The following ADGRB3 variants were observed in gnomAD, a reference collection of about 807,000 sequenced individuals.
The protein encoded by ADGRB3 is adhesion G protein-coupled receptor B3, also known as brain-specific angiogenesis inhibitor 3.
Under a neutral mutation model 193.4 loss-of-function variants are expected in ADGRB3, and 37 were observed. The observed-to-expected ratio is 0.19, with a 90% CI of 0.15 to 0.25. The LOEUF is 0.25. Ranked by LOEUF, ADGRB3 falls within the 10% of genes least tolerant of loss-of-function variation. The probability of loss-of-function intolerance (pLI) is 1.00; values close to 1 mark genes in which losing one functional copy is unlikely to be tolerated. For synonymous variants in ADGRB3, 690 were observed against 644.2 expected, an observed-to-expected ratio of 1.07 and a Z score of -1.08; for missense variants, 1,637 against 1,852.9, an observed-to-expected ratio of 0.88 and a Z score of 2.14.
intron 3 of ADGRB3, among the ~76,000 whole-genome samples, chr6:68,773,883 G>C (rs910426499): frequency 7.9e-5 from 12 of 152,074 alleles, no homozygotes; most frequent in African/African-American, 1.9e-4. Context: ...AGGAGACTTA[G>C]ATGTAAGATA....
intron 20 of ADGRB3, among the ~76,000 whole-genome samples, chr6:69,241,001 C>T (rs1386397108): frequency 6.6e-6 from 1 of 151,784 alleles, no homozygotes; most frequent in Non-Finnish European, 1.5e-5. Flanking sequence ...CCATTTTTTA[C>T]TCTCCAAACA....
chr6:69,151,958 C>T (rs1395880918), intron 17 of ADGRB3, among the ~76,000 whole-genome samples: 2 of 152,104 alleles, frequency 1.3e-5, no homozygotes, highest in African/African-American at 2.4e-5. Context: ...GCTTTTTCCC[C>T]TTTTGCTTGG....
intron 20 of ADGRB3, among the ~76,000 whole-genome samples, chr6:69,266,831 A>T (rs939880905): frequency 1.1e-4 from 17 of 152,088 alleles, no homozygotes; most frequent in Non-Finnish European, 2.4e-4. Flanking sequence ...AGGTAAAGGA[A>T]GACAAAGATT....
intron 3 of ADGRB3, among the ~76,000 whole-genome samples, chr6:68,679,355 C>T (rs1764837117): frequency 6.6e-6 from 1 of 152,078 alleles, no homozygotes; most frequent in African/African-American, 2.4e-5. Flanking sequence ...GATCTGCACC[C>T]TTAAGGGACA....
intron 20 of ADGRB3, among the ~76,000 whole-genome samples, chr6:69,297,400 C>A (rs1302552070): frequency 3.5e-5 from 5 of 144,134 alleles, no homozygotes; most frequent in African/African-American, 1.3e-4. Context: ...CTATCTCTCT[C>A]TCTCTCTCTC....
intron 15 of ADGRB3, among the ~76,000 whole-genome samples, chr6:69,050,249 C>A (rs888391108): frequency 2.0e-5 from 3 of 152,052 alleles, no homozygotes; most frequent in Non-Finnish European, 4.4e-5. Context: ...CCCAAGGAAG[C>A]AGCAGTGATT....
chr6:69,176,007 T>G (rs1488819989), intron 17 of ADGRB3, among the ~76,000 whole-genome samples: 3 of 152,250 alleles, frequency 2.0e-5, no homozygotes, highest in Non-Finnish European at 4.4e-5. Flanking sequence ...GAAACTTTAC[T>G]GAAGTTGTTT....
chr6:68,933,922 A>C (rs982140957), intron 4 of ADGRB3, among the ~76,000 whole-genome samples: 1 of 152,138 alleles, frequency 6.6e-6, no homozygotes, highest in Non-Finnish European at 1.5e-5. Context: ...AGTTCATACT[A>C]TCTCCAAAGA....
chr6:68,786,226 C>A (rs1346002909), intron 3 of ADGRB3, among the ~76,000 whole-genome samples: 1 of 149,952 alleles, frequency 6.7e-6, no homozygotes, highest in Non-Finnish European at 1.5e-5. Context: ...GAAGTCCTTG[C>A]CCATGCCTAT....
At chr6:69,296,119 C>T (rs1004095742) in intron 20 of ADGRB3, among the ~76,000 whole-genome samples, 1 of 152,044 alleles carries the variant, frequency 6.6e-6, no homozygotes, top group African/African-American at 2.4e-5. Flanking sequence ...TGTGTTTTAC[C>T]AGTGACTCTC....
chr6:68,692,310 A>G (rs1370918726), intron 3 of ADGRB3, among the ~76,000 whole-genome samples: 1 of 151,868 alleles, frequency 6.6e-6, no homozygotes, highest in Non-Finnish European at 1.5e-5. Context: ...TCCCCTAGGA[A>G]GTTAATTTCG....
At chr6:69,170,623 C>T (rs1336032870) in intron 17 of ADGRB3, among the ~76,000 whole-genome samples, 1 of 152,126 alleles carries the variant, frequency 6.6e-6, no homozygotes, top group African/African-American at 2.4e-5. Context: ...AGTGTTAAAA[C>T]ATGTAAACAA....
In ADGRB3 at chr6:68,768,644, G is replaced by T. The variant is rs147550648; in HGVS notation, c.757+129212G>T. Reference sequence around the variant, plus strand: ...ACATAGGCATGGGCAAAGGCTTCACGACTAAAACACCAAAAGCAATGGCAA... The same window carrying T: ...ACATAGGCATGGGCAAAGGCTTCACTACTAAAACACCAAAAGCAATGGCAA... On this transcript the variant is annotated intron_variant, in intron 3 of 31. Transcript: ENST00000370598. Among the ~76,000 whole-genome samples the T allele has an allele frequency of 4.0e-3, 604 of 152,168 alleles. 6 individuals are homozygous for T. The highest frequency in any genetic ancestry group is 0.014 in the African/African-American group (575 of 41,530).
At chr6:68,894,640 G>GA (rs952011121) in intron 3 of ADGRB3, among the ~76,000 whole-genome samples, 1 of 151,634 alleles carries the variant, frequency 6.6e-6, no homozygotes, top group Non-Finnish European at 1.5e-5. Context: ...GGTTAGTATA[G>GA]AAAAAAAATT....
chr6:69,048,128 T>G, intron 13 of ADGRB3, 57 bp from the exon 14 acceptor site: 4 of 1,535,326 alleles, frequency 2.6e-6, no homozygotes, highest in Non-Finnish European at 3.6e-6. Flanking sequence ...TGATCAACAC[T>G]GATTACACTA....
In ADGRB3 at chr6:69,049,302, C is replaced by T. The variant is rs761752486; in HGVS notation, c.2289C>T (p.Gly763=). 1.4e-5 allele frequency: 23 copies of T among 1,608,204 alleles called. No homozygotes were observed. The highest frequency in any genetic ancestry group is 9.4e-5 in the African/African-American group (7 of 74,670). The change falls in exon 15 of 32, where the codon GGC becomes GGT. Residue 763 remains glycine, a synonymous_variant. Coordinates refer to ENST00000370598, the MANE Select transcript of ADGRB3 (RefSeq NM_001704.3). ...ATGAATCATCTGTATTTGTTCTTGG[C>T]GCAGTCCTATACAAAAACTTAGATC... ...ELDESSVFVL[G]AVLYKNLDLI...
At chr6:68,933,651 T>G (rs1472155427) in intron 4 of ADGRB3, among the ~76,000 whole-genome samples, 3 of 152,322 alleles carry the variant, frequency 2.0e-5, no homozygotes, top group East Asian at 1.9e-4. Context: ...ATTTCATGAC[T>G]TTAAGATAAT....
In ADGRB3 at chr6:68,914,168, A is replaced by G. The variant is rs530782678; in HGVS notation, c.758-16391A>G. Among the ~76,000 whole-genome samples the G allele has an allele frequency of 1.5e-3, 229 of 151,364 alleles. 3 individuals are homozygous for G. The highest frequency in any genetic ancestry group is 5.4e-3 in the African/African-American group (222 of 41,254). On this transcript the variant is annotated intron_variant, in intron 3 of 31. Transcript: ENST00000370598. ...CCCCAATCTAGCAAGGCAGGCCAACATTCAGATTCAGGAAATACAGAGAAT... is the reference window on the plus strand; with the variant it reads ...CCCCAATCTAGCAAGGCAGGCCAACGTTCAGATTCAGGAAATACAGAGAAT...
chr6:68,724,246 A>G (rs1765634955), intron 3 of ADGRB3, among the ~76,000 whole-genome samples: 1 of 151,674 alleles, frequency 6.6e-6, no homozygotes, highest in South Asian at 2.1e-4. Context: ...ATCACATTAG[A>G]AGTCCTTTTA....
Sources: gnomAD v4.1 joint callset for allele counts (sites outside exome capture counted in the v4.1 genomes callset) on GRCh38, gnomAD v4.1.1 for gene constraint, MANE v1.5 for transcripts, NCBI Gene and HGNC (gene_info 2026-07-23, HGNC 2026-07-21) for gene names.